RFX6: variants seen among roughly 807,000 people sequenced by gnomAD.
The protein encoded by RFX6 is DNA-binding protein RFX6.
In RFX6, 50 loss-of-function variants were observed where a neutral mutation model predicts 110.8. The ratio of observed to expected loss-of-function variants is 0.45; its 90% confidence interval spans 0.36 to 0.57. The LOEUF is 0.57. Among genes scored for constraint, RFX6 ranks in the 20% least tolerant of loss-of-function variants. The pLI is 0.00. For missense variants in RFX6, 990 were observed against 1,127.0 expected, an observed-to-expected ratio of 0.88 and a Z score of 1.74; for synonymous variants, 383 against 411.2, an observed-to-expected ratio of 0.93 and a Z score of 0.83.
intron 10 of RFX6, among the ~76,000 whole-genome samples, 197 bp downstream of exon 10, chr6:116,918,283 A>G (rs1215506534): frequency 3.3e-5 from 5 of 152,124 alleles, no homozygotes; most frequent in Admixed American, 3.3e-4. Flanking sequence ...CAATCCTTCA[A>G]TCCCTTTAAT....
chr6:116,926,174 C>G lies in RFX6; in HGVS notation c.1885+515C>G, dbSNP rs549760240. On this transcript the variant is annotated intron_variant, in intron 16 of 18. Coordinates refer to ENST00000332958, the MANE Select transcript of RFX6 (RefSeq NM_173560.4). ...TCTACTAAACATACAAAAAATTAGC[C>G]GGGCTTGGTGGCAGGCGCCTGTACT... is the stretch of plus-strand genomic sequence containing the variant. Among the ~76,000 whole-genome samples the G allele has an allele frequency of 2.6e-5, 4 of 152,114 alleles. No individual in the cohort carries two copies. In the South Asian group the frequency reaches 6.2e-4, roughly 24 times the overall value.
intron 6 of RFX6, among the ~76,000 whole-genome samples, chr6:116,907,267 T>C (rs534976282): frequency 7.4e-4 from 113 of 152,226 alleles, no homozygotes; most frequent in African/African-American, 2.5e-3. Context: ...TACTAATATT[T>C]TGTGGAGAGT....
At position 116,910,975 on chromosome 6, in the gene RFX6, G is replaced by C; in HGVS notation, c.713G>C (p.Gly238Ala). The C allele has an allele frequency of 6.2e-7, 1 of 1,613,686 alleles. No individual in the cohort carries two copies. Among genetic ancestry groups the C allele is most frequent in the Non-Finnish European group, 8.5e-7 (1 of 1,179,746 alleles). Residue 238 changes from glycine (G) to alanine (A), a missense_variant, in exon 7 of 19, where the codon GGA (glycine) becomes GCA (alanine). By Grantham distance (60) the Gly-to-Ala change is moderately conservative. Coordinates refer to ENST00000332958, the MANE Select transcript of RFX6 (RefSeq NM_173560.4). ...TRKYSLSSKT[G>A]TLLPEFPSAQ... ...AAATATTCGCTTAGCTCAAAAACTG[G>C]AACACTTCTTCCAGAATTCCCCAGC... is the stretch of plus-strand genomic sequence containing the variant.
At chr6:116,902,077 A>C (rs1775087474) in intron 6 of RFX6, among the ~76,000 whole-genome samples, 1 of 152,078 alleles carries the variant, frequency 6.6e-6, no homozygotes, top group South Asian at 2.1e-4. Context: ...TGAGTGAAAA[A>C]AGCACATTGA....
rs1775770372 is a variant in RFX6, at chr6:116,927,440, C to T, written c.2299C>T (p.His767Tyr). The T allele has an allele frequency of 6.2e-7, 1 of 1,614,158 alleles. No individual in the cohort carries two copies. The highest frequency in any genetic ancestry group is 8.5e-7 in the Non-Finnish European group (1 of 1,180,004). ...YGPSLQAQDS[H>Y]NMQFLNTGSF... is the part of the protein sequence containing the mutation. ...CCCATCCCTGCAAGCCCAGGATTCA[C>T]ACAATATGCAGTTTTTAAATACAGG... The change falls in exon 17 of 19, where the codon CAC becomes TAC. Residue 767 changes from histidine (H) to tyrosine (Y), a missense_variant. His to Tyr is a moderately conservative substitution (Grantham distance 83, BLOSUM62 2). Coordinates refer to ENST00000332958, the MANE Select transcript of RFX6 (RefSeq NM_173560.4).
intron 7 of RFX6, among the ~76,000 whole-genome samples, chr6:116,911,263 T>A (rs570976591): frequency 3.4e-4 from 52 of 152,200 alleles, no homozygotes; most frequent in Non-Finnish European, 6.2e-4. Context: ...GGTGGTAAAA[T>A]AAACCTTAAA....
At chr6:116,888,736 A>G (rs1446854777) in intron 4 of RFX6, among the ~76,000 whole-genome samples, 1 of 152,156 alleles carries the variant, frequency 6.6e-6, no homozygotes, top group African/African-American at 2.4e-5. Flanking sequence ...ATACACCAGC[A>G]TATCTTCTTG....
chr6:116,926,159 A>G (rs1013231703), intron 16 of RFX6, among the ~76,000 whole-genome samples: 3 of 152,122 alleles, frequency 2.0e-5, no homozygotes, highest in Non-Finnish European at 4.4e-5. Context: ...TCTACTAAAC[A>G]TACAAAAAAT....
Position 116,924,718 on chromosome 6 carries a change from C to T in RFX6, c.1605C>T (p.Ala535=). The T allele has an allele frequency of 1.9e-6, 3 of 1,602,996 alleles. No homozygotes were observed. Among genetic ancestry groups the T allele is most frequent in the Non-Finnish European group, 2.6e-6 (3 of 1,169,948 alleles). The change falls in exon 15 of 19, where the codon GCC becomes GCT. Residue 535 remains alanine (A), a synonymous_variant. Transcript: ENST00000332958. ...TTCTCGATGAATACATTCTCCTGGC[C>T]ATGGAGACCCAGTTTAATAATGACA... ...RMLLDEYILL[A]METQFNNDKE...
In RFX6 at chr6:116,882,357, T is replaced by C. The variant is rs777477061; in HGVS notation, c.505-10T>C. 1.9e-6 allele frequency: 3 copies of C among 1,610,320 alleles called. No homozygotes were observed. The highest frequency in any genetic ancestry group is 2.5e-6 in the Non-Finnish European group (3 of 1,176,680). On this transcript the variant is annotated splice_polypyrimidine_tract_variant and intron_variant, in intron 3 of 18. Coordinates refer to ENST00000332958, the MANE Select transcript of RFX6 (RefSeq NM_173560.4). ...TTTCTAACGCCTAAAGTAATCATCT[T>C]TCTTTTTAGACAATTCGCCAGAAGT...
Position 116,877,357 on chromosome 6 carries a change from T to G in RFX6, c.82T>G (p.Cys28Gly). The change falls in exon 1 of 19, where the codon TGC becomes GGC. Residue 28 changes from cysteine to glycine, a missense_variant. Transcript: ENST00000332958. ...ACTGTCCCCGGGGATCCAGGAAGAC[T>G]GCTGTGTGCAGCTCCTGGGCAAGGG... ...PQLSPGIQED[C>G]CVQLLGKGLL... 1 of 1,612,552 alleles carries G rather than the reference T, an allele frequency of 6.2e-7. No individual in the cohort carries two copies. Among genetic ancestry groups the G allele is most frequent in the Non-Finnish European group, 8.5e-7 (1 of 1,179,424 alleles).
Position 116,877,396 on chromosome 6 carries a change from C to T in RFX6, c.121C>T (p.Pro41Ser), listed in dbSNP as rs781408991. ...CCTGGGCAAGGGCTTGCTAGTCTAT[C>T]CGGAAGAAACAGTGTACCTGGCGGC... ...QLLGKGLLVY[P>S]EETVYLAAEG... Residue 41 changes from proline to serine, a missense_variant, in exon 1 of 19, where the codon CCG (proline) becomes TCG (serine). Pro to Ser is a moderately conservative substitution (Grantham distance 74). Transcript: ENST00000332958. 1.2e-6 allele frequency: 2 copies of T among 1,608,010 alleles called. No homozygotes were observed. The highest frequency in any genetic ancestry group is 1.1e-5 in the South Asian group (1 of 89,768).
At chr6:116,920,110 C>A (rs1238694117) in intron 11 of RFX6, among the ~76,000 whole-genome samples, 200 bp from the exon 12 acceptor site, 2 of 152,156 alleles carry the variant, frequency 1.3e-5, no homozygotes, top group Admixed American at 6.6e-5. Flanking sequence ...TCATCATTTA[C>A]ATTAGGTGTA....
intron 6 of RFX6, among the ~76,000 whole-genome samples, chr6:116,903,010 A>G (rs1170681914): frequency 6.6e-6 from 1 of 152,048 alleles, no homozygotes; most frequent in East Asian, 1.9e-4. Flanking sequence ...TACCGAAGTT[A>G]TCAATTGAGA....
intron 2 of RFX6, among the ~76,000 whole-genome samples, chr6:116,880,246 C>T (rs529956395): frequency 6.6e-6 from 1 of 152,014 alleles, no homozygotes; most frequent in South Asian, 2.1e-4. Flanking sequence ...CAGAGCAAAT[C>T]ATGATGAACC....
At chr6:116,905,961 T>C (rs1446908990) in intron 6 of RFX6, among the ~76,000 whole-genome samples, 1 of 151,986 alleles carries the variant, frequency 6.6e-6, no homozygotes. Context: ...CCTGTTTCCT[T>C]CTAAAATTTT....
At position 116,915,992 on chromosome 6, in the gene RFX6, T is replaced by C; in HGVS notation, c.781-16T>C. The C allele has an allele frequency of 6.3e-7, 1 of 1,583,040 alleles. No homozygotes were observed. The highest frequency in any genetic ancestry group is 8.7e-7 in the Non-Finnish European group (1 of 1,152,716). ...TAAAAGGATGCTTTGGTTAAGCTTT[T>C]TCTTCCTTGAAATAGGTTGATACGC... On this transcript the variant is annotated splice_polypyrimidine_tract_variant and intron_variant, in intron 7 of 18. Transcript: ENST00000332958.
At chr6:116,905,880 T>C (rs576591377) in intron 6 of RFX6, among the ~76,000 whole-genome samples, 1 of 152,296 alleles carries the variant, frequency 6.6e-6, no homozygotes, top group Non-Finnish European at 1.5e-5. Flanking sequence ...GTAATTTTTG[T>C]TGTTACCTGT....
At chr6:116,908,126 T>C (rs9372473) in intron 6 of RFX6, among the ~76,000 whole-genome samples, 54,961 of 151,916 alleles carry the variant, frequency 0.36, 10,837 homozygotes, top group East Asian at 0.51. Flanking sequence ...GTAATTACCA[T>C]TAATCAACTC....
Sources: allele counts gnomAD v4.1 joint callset (sites outside exome capture counted in the v4.1 genomes callset), GRCh38; gene constraint gnomAD v4.1.1; transcripts MANE v1.5; gene names NCBI Gene and HGNC (gene_info 2026-07-23, HGNC 2026-07-21).